CSMD1: variants seen among roughly 807,000 people sequenced by gnomAD.
CSMD1 encodes the protein CUB and sushi domain-containing protein 1.
Under a neutral mutation model 417.5 loss-of-function variants are expected in CSMD1, and 213 were observed. The ratio of observed to expected loss-of-function variants is 0.51; its 90% CI spans 0.46 to 0.57. CSMD1 has a LOEUF of 0.57. CSMD1 is among the 20% of genes least tolerant of loss of function. The probability of loss-of-function intolerance (pLI) is 0.00; values close to 1 mark genes in which losing one functional copy is unlikely to be tolerated. For synonymous variants in CSMD1, 2,862 were observed against 1,736.8 expected, an observed-to-expected ratio of 1.65 and a Z score of -16.11; for missense variants, 6,923 against 4,529.7, an observed-to-expected ratio of 1.53 and a Z score of -15.17.
chr8:3,882,637 C>T (rs1563174394), intron 5 of CSMD1, among the ~76,000 whole-genome samples: 1 of 152,108 alleles, frequency 6.6e-6, no homozygotes, highest in South Asian at 2.1e-4. Flanking sequence ...TATGTAATTG[C>T]CCTCAGGGAT....
intron 6 of CSMD1, among the ~76,000 whole-genome samples, chr8:3,723,310 C>A (rs74707792): frequency 0.039 from 5,983 of 152,180 alleles, 231 homozygotes; most frequent in African/African-American, 0.1. Context: ...AGGAAAAAGT[C>A]CCTTTTAAGG....
intron 2 of CSMD1, among the ~76,000 whole-genome samples, chr8:4,570,573 G>T: frequency 6.6e-6 from 1 of 151,778 alleles, no homozygotes; most frequent in South Asian, 2.1e-4. Context: ...GATGTTCATC[G>T]GGCATATTAG....
At chr8:3,947,451 T>C (rs948990183) in intron 5 of CSMD1, among the ~76,000 whole-genome samples, 1 of 152,212 alleles carries the variant, frequency 6.6e-6, no homozygotes, top group Non-Finnish European at 1.5e-5. Flanking sequence ...AAAGGTTTTT[T>C]CTGTTTTCGT....
intron 10 of CSMD1, among the ~76,000 whole-genome samples, chr8:3,511,910 A>C (rs1338016354): frequency 6.7e-6 from 1 of 148,686 alleles, no homozygotes; most frequent in Non-Finnish European, 1.5e-5. Context: ...GTCAAATTAA[A>C]AAAAAAAAAA....
At chr8:3,407,166 G>T (rs1333709374) in intron 14 of CSMD1, among the ~76,000 whole-genome samples, 1 of 81,608 alleles carries the variant, frequency 1.2e-5, no homozygotes, top group Non-Finnish European at 2.6e-5. Flanking sequence ...TGGACAGATG[G>T]AAGGATGGAT....
intron 3 of CSMD1, among the ~76,000 whole-genome samples, chr8:4,133,021 A>G (rs1487198601): frequency 6.6e-6 from 1 of 151,674 alleles, no homozygotes; most frequent in Non-Finnish European, 1.5e-5. Context: ...GCAACCTCCG[A>G]CTCCCGGGTT....
At chr8:4,158,097 T>C (rs1225653903) in intron 3 of CSMD1, among the ~76,000 whole-genome samples, 2 of 151,858 alleles carry the variant, frequency 1.3e-5, no homozygotes, top group African/African-American at 4.8e-5. Flanking sequence ...CCCTTTTTTT[T>C]TTTTTTCTGT....
intron 12 of CSMD1, among the ~76,000 whole-genome samples, chr8:3,424,960 G>C (rs1034332097): frequency 5.3e-5 from 8 of 152,054 alleles, no homozygotes. Flanking sequence ...TCAGCCCCTG[G>C]AGTGGCTGGG....
At chr8:3,014,590 G>A (rs1563238467) in intron 52 of CSMD1, among the ~76,000 whole-genome samples, 1 of 152,138 alleles carries the variant, frequency 6.6e-6, no homozygotes, top group Non-Finnish European at 1.5e-5. Context: ...GAACTCTGAA[G>A]TTCTCTTTTA....
intron 49 of CSMD1, among the ~76,000 whole-genome samples, chr8:3,063,026 A>G (rs1178925452): frequency 1.3e-5 from 2 of 152,072 alleles, no homozygotes; most frequent in Non-Finnish European, 2.9e-5. Flanking sequence ...GTCATAAAAA[A>G]CTCTGATTCG....
chr8:4,385,457 T>A (rs1803385208), intron 3 of CSMD1, among the ~76,000 whole-genome samples: 1 of 152,214 alleles, frequency 6.6e-6, no homozygotes, highest in African/African-American at 2.4e-5. Flanking sequence ...TTCTTAGTTT[T>A]ATTTTTAAAT....
chr8:3,841,971 GT>G (rs1047670691), intron 5 of CSMD1, among the ~76,000 whole-genome samples: 1 of 152,242 alleles, frequency 6.6e-6, no homozygotes, highest in Admixed American at 6.5e-5. Flanking sequence ...TCCAAAAGCA[GT>G]TTTTTTCCAT....
At position 3,416,891 on chromosome 8, in the gene CSMD1, G is replaced by C. The variant is rs183017823; in HGVS notation, c.1562-7286C>G. On this transcript the variant is annotated intron_variant, in intron 12 of 69. Transcript: ENST00000635120. ...CCAAAACCACTTATGAAAGTTCTTT[G>C]TATAAAACCGCTCAATGAATAAAAC... Among the ~76,000 whole-genome samples the C allele has an allele frequency of 3.9e-5, 6 of 152,312 alleles. No individual in the cohort carries two copies. In the East Asian group the frequency reaches 9.6e-4, roughly 24 times the overall value.
Position 4,123,646 on chromosome 8 carries a change from G to A in CSMD1, c.416-91547C>T, listed in dbSNP as rs7836674. On this transcript the variant is annotated intron_variant, in intron 3 of 69. Transcript: ENST00000635120. ...TCCTTTGATGATAACATTGGAAATGGGAACTGGTAACACTCTTAAAGTGGG... is the reference window on the plus strand; with the variant it reads ...TCCTTTGATGATAACATTGGAAATGAGAACTGGTAACACTCTTAAAGTGGG... 3.1e-3 allele frequency among the ~76,000 whole-genome samples: 466 copies of A among 152,168 alleles called. 4 individuals are homozygous for A. Among genetic ancestry groups the A allele is most frequent in the African/African-American group, 0.01 (427 of 41,540 alleles).
At chr8:4,903,106 A>G (rs1805003119) in intron 1 of CSMD1, among the ~76,000 whole-genome samples, 1 of 152,036 alleles carries the variant, frequency 6.6e-6, no homozygotes, top group African/African-American at 2.4e-5. Context: ...TGTTCCACTG[A>G]TATGAACTTA....
chr8:3,928,623 G>A (rs1474961085), intron 5 of CSMD1, among the ~76,000 whole-genome samples: 2 of 150,478 alleles, frequency 1.3e-5, no homozygotes, highest in Non-Finnish European at 3.0e-5. Context: ...GAAGGAGAAG[G>A]AAGTAATAAG....
At chr8:3,587,208 G>T (rs1800642659) in intron 8 of CSMD1, among the ~76,000 whole-genome samples, 1 of 152,214 alleles carries the variant, frequency 6.6e-6, no homozygotes, top group South Asian at 2.1e-4. Flanking sequence ...ACATTAACAA[G>T]ACACTGTCAC....
At chr8:3,765,973 A>C (rs1176088996) in intron 5 of CSMD1, among the ~76,000 whole-genome samples, 1 of 152,256 alleles carries the variant, frequency 6.6e-6, no homozygotes. Flanking sequence ...ATCAGGAATT[A>C]ACCCAGAGGT....
chr8:4,305,599 C>G (rs10095735), intron 3 of CSMD1, among the ~76,000 whole-genome samples: 3,499 of 152,244 alleles, frequency 0.023, 129 homozygotes, highest in African/African-American at 0.078. Context: ...ATTAACCTTT[C>G]AATACAGAAT....
Sources: allele counts gnomAD v4.1 joint callset (sites outside exome capture counted in the v4.1 genomes callset), GRCh38; gene constraint gnomAD v4.1.1; transcripts MANE v1.5; gene names NCBI Gene and HGNC (gene_info 2026-07-23, HGNC 2026-07-21).